The following ACOT13 variants were observed in gnomAD, a reference collection of about 807,000 sequenced individuals.
The protein encoded by ACOT13 is acyl-CoA thioesterase 13.
Under a neutral mutation model 11.8 loss-of-function variants are expected in ACOT13, and 10 were observed. The observed-to-expected ratio is 0.85, with a 90% CI of 0.53 to 1.44. The LOEUF (loss-of-function observed/expected upper bound fraction) is 1.44. Among genes scored for constraint, ACOT13 ranks in the 40% most tolerant of loss-of-function variants. ACOT13 has a pLI of 0.00. For synonymous variants in ACOT13, 53 were observed against 61.0 expected (o/e 0.87, Z 0.61); for missense variants, 172 against 174.1 (o/e 0.99, Z 0.07).
At chr6:24,670,435 C>T (rs1778341867) in intron 1 of ACOT13, among the ~76,000 whole-genome samples, 2 of 152,196 alleles carry the variant, frequency 1.3e-5, no homozygotes, top group African/African-American at 4.8e-5. Flanking sequence ...ATCAGAAACC[C>T]TGTACAGGGA....
rs550833698 is a variant in ACOT13 at position 24,703,561 on chromosome 6, T to C, written c.*1946T>C. ...GGGAAAAAATATGAGGCCATAGTGTTTAGGTAGATAATAAATGGCAGAGAT... is the reference window on the plus strand; with the variant it reads ...GGGAAAAAATATGAGGCCATAGTGTCTAGGTAGATAATAAATGGCAGAGAT... On this transcript the variant is annotated 3_prime_UTR_variant, in exon 3 of 3. Coordinates refer to ENST00000230048, the MANE Select transcript of ACOT13 (RefSeq NM_018473.4). 3.3e-5 allele frequency: 5 copies of C among 152,232 alleles called. No individual in the cohort carries two copies. The South Asian group carries it at 1.0e-3, about 32-fold the overall frequency. The allele number at this position is 152,232 out of a possible 1,614,324, so 9.4% of individuals were successfully genotyped here. A position where few individuals can be genotyped will look rare whatever the true frequency, so the allele number is the denominator to read the frequency against.
intron 1 of ACOT13, among the ~76,000 whole-genome samples, chr6:24,678,882 A>G (rs1448667270): frequency 6.6e-6 from 1 of 151,976 alleles, no homozygotes; most frequent in Non-Finnish European, 1.5e-5. Context: ...GAGACAGTTA[A>G]CCTCCTGGCC....
intron 1 of ACOT13, among the ~76,000 whole-genome samples, chr6:24,680,341 C>T (rs1376939420): frequency 2.0e-5 from 3 of 152,096 alleles, no homozygotes; most frequent in Admixed American, 2.0e-4. Flanking sequence ...TCTTTCTTAG[C>T]GTCTGAGGGT....
rs906490847 is a variant in ACOT13, at chr6:24,686,674, T to C, written c.82-11209T>C. Among the ~76,000 whole-genome samples the C allele has an allele frequency of 3.3e-5, 5 of 151,414 alleles. No individual in the cohort carries two copies. In the East Asian group the frequency reaches 5.8e-4, roughly 18 times the overall value. On this transcript the variant is annotated intron_variant, in intron 1 of 2. Transcript: ENST00000230048. ...CTTCTCTCTCTTTCTCTCTCTCTCTTTTCTGTCTTCTCTTCTCTTCTTCTT... is the reference window on the plus strand; with the variant it reads ...CTTCTCTCTCTTTCTCTCTCTCTCTCTTCTGTCTTCTCTTCTCTTCTTCTT...
At chr6:24,672,213 G>T (rs897899446) in intron 1 of ACOT13, among the ~76,000 whole-genome samples, 6 of 152,082 alleles carry the variant, frequency 3.9e-5, no homozygotes, top group Non-Finnish European at 8.8e-5. Flanking sequence ...TCATAAAAAG[G>T]TGAAAACCTT....
chr6:24,689,416 G>C (rs977695767), intron 1 of ACOT13, among the ~76,000 whole-genome samples: 2 of 151,820 alleles, frequency 1.3e-5, no homozygotes, highest in Non-Finnish European at 2.9e-5. Flanking sequence ...AAGCCCAGGA[G>C]TTTGAGTCCA....
chr6:24,671,613 T>A (rs183959002), intron 1 of ACOT13, among the ~76,000 whole-genome samples: 12 of 151,474 alleles, frequency 7.9e-5, no homozygotes, highest in Admixed American at 3.3e-4. Context: ...AAGTATAATT[T>A]AAAAAAACAA....
At chr6:24,684,750 T>C (rs1033712058) in intron 1 of ACOT13, among the ~76,000 whole-genome samples, 4 of 32,050 alleles carry the variant, frequency 1.2e-4, no homozygotes, top group Admixed American at 3.6e-4. Context: ...CATGGTCTCA[T>C]GCCTATAATC....
chr6:24,678,640 C>G lies in ACOT13; in HGVS notation c.81+11296C>G, dbSNP rs1040260628. Reference sequence around the variant, plus strand: ...CCTTCCTCAAGCAGGGGAAAACAAACAGGTGTTCCTTCTCCTATGTTCAGA... The same window carrying G: ...CCTTCCTCAAGCAGGGGAAAACAAAGAGGTGTTCCTTCTCCTATGTTCAGA... On this transcript the variant is annotated intron_variant, in intron 1 of 2. Coordinates refer to ENST00000230048, the MANE Select transcript of ACOT13 (RefSeq NM_018473.4). 6.6e-5 allele frequency among the ~76,000 whole-genome samples: 10 copies of G among 152,200 alleles called. 1 individual carries two copies. Among genetic ancestry groups the G allele is most frequent in the Admixed American group, 6.5e-4 (10 of 15,282 alleles).
rs939762883 is a variant in ACOT13, at chr6:24,701,653, A to G, written c.*38A>G. ...ATGACCTAAAGAAACCCAACAATGA[A>G]TATCAAGTATAGATTTGACTCAAAC... On this transcript the variant is annotated 3_prime_UTR_variant, in exon 3 of 3. Transcript: ENST00000230048. 1.9e-6 allele frequency: 3 copies of G among 1,552,462 alleles called. No individual in the cohort carries two copies. The highest frequency in any genetic ancestry group is 1.7e-6 in the Non-Finnish European group (2 of 1,145,990).
intron 1 of ACOT13, among the ~76,000 whole-genome samples, chr6:24,681,658 C>T (rs1778552875): frequency 6.6e-6 from 1 of 152,038 alleles, no homozygotes; most frequent in Non-Finnish European, 1.5e-5. Context: ...CTGCCCATGT[C>T]GAGAGCTGCA....
chr6:24,689,123 C>T (rs1388080677), intron 1 of ACOT13, among the ~76,000 whole-genome samples: 1 of 151,878 alleles, frequency 6.6e-6, no homozygotes, highest in Non-Finnish European at 1.5e-5. Context: ...TGTGCCACTG[C>T]ACTCCAGCCT....
chr6:24,699,522 T>C (rs1778860437), intron 2 of ACOT13, among the ~76,000 whole-genome samples: 1 of 152,236 alleles, frequency 6.6e-6, no homozygotes. Flanking sequence ...TGTAGGCTTT[T>C]AAGGAATCTA....
chr6:24,667,159 G>T lies in ACOT13; in HGVS notation c.-105G>T. On this transcript the variant is annotated 5_prime_UTR_variant, in exon 1 of 3. Coordinates refer to ENST00000230048, the MANE Select transcript of ACOT13 (RefSeq NM_018473.4). ...GCTCCTAGGGGCGGAGAAGGGTGCG[G>T]GCTCTTCGCCCTTTGTGTCCTCCTT... The T allele has an allele frequency of 8.3e-7, 1 of 1,209,024 alleles. No homozygotes were observed. The highest frequency in any genetic ancestry group is 1.2e-6 in the Non-Finnish European group (1 of 843,550). 74.9% of individuals were successfully genotyped at this position (1,209,024 alleles called of 1,614,324 possible).
chr6:24,704,917 TTTTC>T lies in ACOT13; in HGVS notation c.*3306_*3309del, dbSNP rs957530679. ...TTCACCTATTTTATTTAGGTTTTCTTTTTCTTTTTTTCTTTTTTTTTCAAATTCC... is the reference window on the plus strand; with the variant it reads ...TTCACCTATTTTATTTAGGTTTTCTTTTTTTTTCTTTTTTTTTCAAATTCC... On this transcript the variant is annotated 3_prime_UTR_variant, in exon 3 of 3. Transcript: ENST00000230048. The T allele has an allele frequency of 1.3e-5, 2 of 152,090 alleles. No homozygotes were observed. Among genetic ancestry groups the T allele is most frequent in the African/African-American group, 4.8e-5 (2 of 41,384 alleles). 9.4% of individuals were successfully genotyped at this position (152,090 alleles called of 1,614,324 possible).
intron 1 of ACOT13, among the ~76,000 whole-genome samples, chr6:24,682,522 C>G (rs1277363061): frequency 6.6e-6 from 1 of 152,180 alleles, no homozygotes; most frequent in Non-Finnish European, 1.5e-5. Context: ...TAGTGTTCAG[C>G]TTGATTAGGA....
At chr6:24,671,491 C>T (rs552823431) in intron 1 of ACOT13, among the ~76,000 whole-genome samples, 1 of 151,956 alleles carries the variant, frequency 6.6e-6, no homozygotes, top group Admixed American at 6.6e-5. Flanking sequence ...AGGGATAGCA[C>T]TAGGAGAAAT....
At chr6:24,668,940 T>C (rs1778311237) in intron 1 of ACOT13, among the ~76,000 whole-genome samples, 1 of 152,224 alleles carries the variant, frequency 6.6e-6, no homozygotes, top group Non-Finnish European at 1.5e-5. Flanking sequence ...GTTCTTTTGT[T>C]ACTTGGTGTG....
rs1778895070 is a variant in ACOT13, at chr6:24,701,653, A to AT, written c.*39dup. 6.4e-7 allele frequency: 1 copy of AT among 1,552,462 alleles called. No homozygotes were observed. Among genetic ancestry groups the AT allele is most frequent in the Non-Finnish European group, 8.7e-7 (1 of 1,145,990 alleles). On this transcript the variant is annotated 3_prime_UTR_variant, in exon 3 of 3. Transcript: ENST00000230048. ...ATGACCTAAAGAAACCCAACAATGA[A>AT]TATCAAGTATAGATTTGACTCAAAC...
Sources: gnomAD v4.1 joint callset for allele counts (sites outside exome capture counted in the v4.1 genomes callset) on GRCh38, gnomAD v4.1.1 for gene constraint, MANE v1.5 for transcripts, NCBI Gene and HGNC (gene_info 2026-07-23, HGNC 2026-07-21) for gene names.